MALRD1: variants seen among roughly 807,000 people sequenced by gnomAD.
MALRD1 encodes MAM and LDL-receptor class A domain-containing protein 1.
A neutral mutation model predicts 242.1 loss-of-function variants in MALRD1; 247 were observed. The observed-to-expected ratio is 1.02, with a 90% CI of 0.92 to 1.13. MALRD1 has a LOEUF of 1.13. Among genes scored for constraint, MALRD1 ranks in the 50% most tolerant of loss-of-function variants. The pLI, the probability that MALRD1 is intolerant of heterozygous loss-of-function variation, is 0.00. For synonymous variants in MALRD1, 995 were observed against 866.6 expected (o/e 1.15, Z -2.60); for missense variants, 2,989 against 2,533.1 (o/e 1.18, Z -3.86).
At chr10:19,411,130 A>T (rs1833261464) in intron 28 of MALRD1, among the ~76,000 whole-genome samples, 1 of 152,242 alleles carries the variant, frequency 6.6e-6, no homozygotes, top group African/African-American at 2.4e-5. Context: ...GTGGTTTTAA[A>T]ATATTATGTA....
At chr10:19,505,459 A>G (rs1014266536) in intron 31 of MALRD1, among the ~76,000 whole-genome samples, 1 of 152,204 alleles carries the variant, frequency 6.6e-6, no homozygotes, top group African/African-American at 2.4e-5. Context: ...GTAAGGACAC[A>G]GAGAGAAGAC....
At chr10:19,381,066 C>G (rs562435391) in intron 26 of MALRD1, among the ~76,000 whole-genome samples, 7 of 125,360 alleles carry the variant, frequency 5.6e-5, no homozygotes, top group African/African-American at 2.1e-4. Context: ...CCCCTCCCCC[C>G]ACCCCACCAC....
intron 31 of MALRD1, among the ~76,000 whole-genome samples, chr10:19,528,425 T>A (rs1834195288): frequency 6.6e-6 from 1 of 152,062 alleles, no homozygotes; most frequent in Admixed American, 6.6e-5. Flanking sequence ...AAACCCCATC[T>A]CTACCAAAAA....
rs368292538 is a variant in MALRD1, at chr10:19,679,922, G to A, written c.6138-12360G>A. 1.8e-4 allele frequency among the ~76,000 whole-genome samples: 27 copies of A among 152,250 alleles called. No homozygotes were observed. The South Asian group carries it at 5.0e-3, about 28-fold the overall frequency. On this transcript the variant is annotated intron_variant, in intron 36 of 39. Coordinates refer to ENST00000454679, the MANE Select transcript of MALRD1 (RefSeq NM_001142308.3). ...TAATTATTTACCCAGGAATCATTCA[G>A]AAGCAGGTTGTTCAATTTCCATGTA...
At chr10:19,316,611 A>G (rs1200159451) in intron 21 of MALRD1, among the ~76,000 whole-genome samples, 1 of 151,808 alleles carries the variant, frequency 6.6e-6, no homozygotes, top group East Asian at 1.9e-4. Flanking sequence ...GGTAGTGGGA[A>G]TGGGGAGCAG....
At chr10:19,370,077 C>T (rs914160463) in intron 26 of MALRD1, among the ~76,000 whole-genome samples, 1 of 152,062 alleles carries the variant, frequency 6.6e-6, no homozygotes, top group Non-Finnish European at 1.5e-5. Flanking sequence ...GAATTAATGT[C>T]ATGTATGGTG....
chr10:19,518,458 A>G (rs1185934280), intron 31 of MALRD1, among the ~76,000 whole-genome samples: 1 of 152,064 alleles, frequency 6.6e-6, no homozygotes, highest in Non-Finnish European at 1.5e-5. Context: ...TCTTTTTCTT[A>G]TATAATGTCA....
chr10:19,066,607 T>C (rs1266655919), intron 1 of MALRD1, 112 bp from the exon 2 acceptor site: 1 of 805,666 alleles, frequency 1.2e-6, no homozygotes, highest in African/African-American at 1.8e-5. Flanking sequence ...TAAGGAATAA[T>C]CTTTATGTTG....
intron 18 of MALRD1, among the ~76,000 whole-genome samples, chr10:19,249,017 TATATA>T (rs1317148882): frequency 4.1e-5 from 6 of 147,572 alleles, no homozygotes. Flanking sequence ...ATTTATATGA[TATATA>T]ATATAAATTA....
chr10:19,652,937 A>G (rs1174823865), intron 36 of MALRD1, among the ~76,000 whole-genome samples: 1 of 152,190 alleles, frequency 6.6e-6, no homozygotes, highest in African/African-American at 2.4e-5. Flanking sequence ...TAAGTGCCAG[A>G]CATTCATTTA....
At chr10:19,062,654 TTCCTC>T (rs1428331820) in intron 1 of MALRD1, among the ~76,000 whole-genome samples, 14 of 152,312 alleles carry the variant, frequency 9.2e-5, no homozygotes, top group Middle Eastern at 3.4e-3. Context: ...CACTATATGA[TTCCTC>T]TTATGTGAGT....
At chr10:19,181,330 A>T (rs1588662786) in intron 14 of MALRD1, among the ~76,000 whole-genome samples, 1 of 152,344 alleles carries the variant, frequency 6.6e-6, no homozygotes, top group East Asian at 1.9e-4. Context: ...TGATGTACAG[A>T]TAGATAAACT....
intron 21 of MALRD1, among the ~76,000 whole-genome samples, chr10:19,321,664 T>A (rs977758325): frequency 1.1e-4 from 16 of 152,150 alleles, no homozygotes; most frequent in Admixed American, 3.3e-4. Context: ...CACTTAGAAG[T>A]GTACAGTAGA....
chr10:19,383,553 T>G (rs1259206485), intron 26 of MALRD1, among the ~76,000 whole-genome samples: 2 of 152,134 alleles, frequency 1.3e-5, no homozygotes, highest in Non-Finnish European at 2.9e-5. Context: ...TATATTCCTT[T>G]GATAACTTTT....
At chr10:19,464,444 C>T (rs1836119747) in intron 29 of MALRD1, among the ~76,000 whole-genome samples, 2 of 152,162 alleles carry the variant, frequency 1.3e-5, no homozygotes, top group Non-Finnish European at 2.9e-5. Context: ...CCAATTATCC[C>T]AGCACCATTT....
At chr10:19,083,719 A>G (rs539911020) in intron 2 of MALRD1, among the ~76,000 whole-genome samples, 2 of 152,086 alleles carry the variant, frequency 1.3e-5, no homozygotes, top group Admixed American at 6.6e-5. Flanking sequence ...CAGGCTTCAC[A>G]TGAATGCAAG....
chr10:19,624,548 T>C (rs1839558847), intron 36 of MALRD1, among the ~76,000 whole-genome samples: 2 of 152,018 alleles, frequency 1.3e-5, no homozygotes, highest in South Asian at 2.1e-4. Context: ...CAGATAATAG[T>C]ATGTGTAATT....
intron 31 of MALRD1, among the ~76,000 whole-genome samples, chr10:19,512,730 A>G (rs1833460707): frequency 6.6e-6 from 1 of 152,202 alleles, no homozygotes; most frequent in African/African-American, 2.4e-5. Context: ...TGCAGCGCCT[A>G]AAGACTTGGT....
At chr10:19,588,783 C>T (rs1053346765) in intron 33 of MALRD1, among the ~76,000 whole-genome samples, 4 of 152,156 alleles carry the variant, frequency 2.6e-5, no homozygotes, top group African/African-American at 9.7e-5. Context: ...GCTGGGATTA[C>T]AGCCACCCAC....
Sources: gnomAD v4.1 joint callset for allele counts (sites outside exome capture counted in the v4.1 genomes callset) on GRCh38, gnomAD v4.1.1 for gene constraint, MANE v1.5 for transcripts, NCBI Gene and HGNC (gene_info 2026-07-23, HGNC 2026-07-21) for gene names.